CACNA1C: variants seen among roughly 807,000 people sequenced by gnomAD.
CACNA1C encodes the protein calcium voltage-gated channel subunit alpha1 C, also known as voltage-dependent L-type calcium channel subunit alpha-1C.
Under a neutral mutation model 229.0 loss-of-function variants are expected in CACNA1C, and 30 were observed. The ratio of observed to expected loss-of-function variants is 0.13; its 90% CI spans 0.10 to 0.18. CACNA1C has a LOEUF of 0.18. Ranked by LOEUF, CACNA1C falls within the 10% of genes least tolerant of loss-of-function variation. The pLI, the probability that CACNA1C is intolerant of heterozygous loss-of-function variation, is 1.00. For synonymous variants in CACNA1C, 1,114 were observed against 1,132.5 expected, an observed-to-expected ratio of 0.98 and a Z score of 0.33; for missense variants, 1,658 against 2,845.0, an observed-to-expected ratio of 0.58 and a Z score of 9.49.
intron 9 of CACNA1C, among the ~76,000 whole-genome samples, chr12:2,529,240 C>T (rs1014318995): frequency 1.3e-5 from 2 of 152,216 alleles, no homozygotes; most frequent in Non-Finnish European, 2.9e-5. Flanking sequence ...CCTTTTCTAT[C>T]CTCACCACCT....
chr12:2,678,204 C>T lies in CACNA1C; in HGVS notation c.5091+337C>T, dbSNP rs1164164831. On this transcript the variant is annotated intron_variant, in intron 41 of 46. Transcript: ENST00000399655. The surrounding 1 kb of genome is among the most constrained non-coding windows in gnomAD (Gnocchi z 4.1). ...CCCTGGGGCACATCTAATCTGCAGG[C>T]TTGTTTTGTTTGTTAATATTTGAAA... Among the ~76,000 whole-genome samples the T allele has an allele frequency of 6.6e-6, 1 of 152,168 alleles. No homozygotes were observed. Among genetic ancestry groups the T allele is most frequent in the Admixed American group, 6.5e-5 (1 of 15,282 alleles).
intron 1 of CACNA1C, among the ~76,000 whole-genome samples, chr12:2,091,630 T>A (rs2071099330): frequency 6.6e-6 from 1 of 152,194 alleles, no homozygotes; most frequent in Non-Finnish European, 1.5e-5. Flanking sequence ...CATCTCAACA[T>A]CCTTAACTTA....
chr12:2,666,645 G>A lies in CACNA1C; in HGVS notation c.4527-41G>A. On this transcript the variant is annotated intron_variant, in intron 36 of 46. Coordinates refer to ENST00000399655, the MANE Select transcript of CACNA1C (RefSeq NM_000719.7). This position sits in a 1 kb window ranked among gnomAD's most constrained non-coding sequence, Gnocchi z 5.3. Reference sequence around the variant, plus strand: ...GTCCTGGGCTGCTGGCAGAGACCGTGGCTCTCTGATGCCCTGTCCCTCCTC... The same window carrying A: ...GTCCTGGGCTGCTGGCAGAGACCGTAGCTCTCTGATGCCCTGTCCCTCCTC... 7.6e-7 allele frequency: 1 copy of A among 1,318,988 alleles called. No individual in the cohort carries two copies. Among genetic ancestry groups the A allele is most frequent in the Non-Finnish European group, 1.1e-6 (1 of 932,622 alleles). 81.7% of individuals were successfully genotyped at this position (1,318,988 alleles called of 1,614,324 possible). A position where few individuals can be genotyped will look rare whatever the true frequency, so the allele number is the denominator to read the frequency against.
At chr12:2,055,054 A>C (rs576465957) in intron 1 of CACNA1C, among the ~76,000 whole-genome samples, 2 of 152,248 alleles carry the variant, frequency 1.3e-5, no homozygotes, top group Admixed American at 6.5e-5. Context: ...CATGGGTGGC[A>C]GCTTGGGGAT....
At chr12:2,269,082 G>T (rs1170120124) in intron 3 of CACNA1C, among the ~76,000 whole-genome samples, 1 of 152,144 alleles carries the variant, frequency 6.6e-6, no homozygotes, top group African/African-American at 2.4e-5. Context: ...AGGGAGTAGC[G>T]GGCACATGAT....
intron 3 of CACNA1C, among the ~76,000 whole-genome samples, chr12:2,147,025 A>G (rs1312340438): frequency 6.6e-6 from 1 of 150,842 alleles, no homozygotes; most frequent in Non-Finnish European, 1.5e-5. Flanking sequence ...AACCCCCCCA[A>G]TTATCAAAGC....
intron 30 of CACNA1C, among the ~76,000 whole-genome samples, chr12:2,638,663 G>A (rs1042513426): frequency 2.6e-5 from 4 of 152,142 alleles, no homozygotes; most frequent in Non-Finnish European, 4.4e-5. Flanking sequence ...GTGGAAAATG[G>A]CCAGCCCGTC....
intron 10 of CACNA1C, 29 bp downstream of exon 10, chr12:2,550,062 G>T: frequency 6.7e-7 from 1 of 1,486,228 alleles, no homozygotes; most frequent in Non-Finnish European, 9.3e-7. Flanking sequence ...CCCAGGGGCT[G>T]GGGCTTTTTC....
Position 2,665,006 on chromosome 12 carries a change from A to G in CACNA1C, c.4398+16A>G, listed in dbSNP as rs968262156. The G allele has an allele frequency of 1.2e-6, 2 of 1,613,610 alleles. No individual in the cohort carries two copies. The highest frequency in any genetic ancestry group is 1.7e-6 in the Non-Finnish European group (2 of 1,179,798). On this transcript the variant is annotated intron_variant, in intron 35 of 46. Coordinates refer to ENST00000399655, the MANE Select transcript of CACNA1C (RefSeq NM_000719.7). This position sits in a 1 kb window ranked among gnomAD's most constrained non-coding sequence, Gnocchi z 5.9. The stretch of plus-strand genomic sequence containing the variant: ...TGCCTTCCTGGTAAGCCAAGGGGGA[A>G]CTCAACAGCCAGCAGCCATGACTGC...
rs375998750 is a variant in CACNA1C at position 2,370,656 on chromosome 12, A to G, written c.478-78320A>G. Among the ~76,000 whole-genome samples the G allele has an allele frequency of 5.9e-4, 90 of 152,370 alleles. No individual in the cohort carries two copies. In the East Asian group the frequency reaches 9.4e-3, roughly 16 times the overall value. ...TTTGTACAGTATAAAAATAAATTCAATAGTATCTTAATAAAAATTCTGGGC... is the reference window on the plus strand; with the variant it reads ...TTTGTACAGTATAAAAATAAATTCAGTAGTATCTTAATAAAAATTCTGGGC... On this transcript the variant is annotated intron_variant, in intron 3 of 46. Coordinates refer to ENST00000399655, the MANE Select transcript of CACNA1C (RefSeq NM_000719.7).
intron 3 of CACNA1C, among the ~76,000 whole-genome samples, chr12:2,271,018 G>C (rs1455228245): frequency 6.6e-6 from 1 of 152,146 alleles, no homozygotes; most frequent in African/African-American, 2.4e-5. Context: ...GGATCTGTTT[G>C]GGGTAATGGC....
rs183023108 is a variant in CACNA1C, at chr12:2,503,409, A to T, written c.1114-1433A>T. ...ACTTAACCCTGTTTAGTCAGAAGGC[A>T]TCAGAAGAGATAGCTTTGAGAAACT... On this transcript the variant is annotated intron_variant, in intron 7 of 46. Coordinates refer to ENST00000399655, the MANE Select transcript of CACNA1C (RefSeq NM_000719.7). Among the ~76,000 whole-genome samples, 359 of 152,368 alleles carry T rather than the reference A, an allele frequency of 2.4e-3. 5 individuals carry two copies. Among genetic ancestry groups the T allele is most frequent in the African/African-American group, 8.4e-3 (349 of 41,586 alleles).
At chr12:2,111,455 C>G (rs1353232929) in intron 1 of CACNA1C, among the ~76,000 whole-genome samples, 1 of 151,798 alleles carries the variant, frequency 6.6e-6, no homozygotes, top group East Asian at 1.9e-4. Context: ...GTGTTGTCCC[C>G]AAACTCCTGG....
upstream of CACNA1C, among the ~76,000 whole-genome samples, chr12:2,050,784 GC>G (rs2052012509): frequency 6.6e-6 from 1 of 152,166 alleles, no homozygotes; most frequent in African/African-American, 2.4e-5. Flanking sequence ...TTACACTGGG[GC>G]CAGAACCACT....
chr12:2,536,567 G>A (rs1337945998), intron 9 of CACNA1C, among the ~76,000 whole-genome samples: 2 of 152,200 alleles, frequency 1.3e-5, no homozygotes, highest in African/African-American at 4.8e-5. Context: ...AGTAGCTCAT[G>A]CCTGTAATCC....
At chr12:2,191,899 CAT>C (rs1566271841) in intron 3 of CACNA1C, among the ~76,000 whole-genome samples, 1 of 151,774 alleles carries the variant, frequency 6.6e-6, no homozygotes, top group African/African-American at 2.4e-5. Context: ...CAGGCACACA[CAT>C]GCACACATGG....
intron 3 of CACNA1C, among the ~76,000 whole-genome samples, chr12:2,392,552 C>T (rs1350155172): frequency 6.6e-6 from 1 of 152,200 alleles, no homozygotes; most frequent in Admixed American, 6.5e-5. Flanking sequence ...TGTCTGGGCC[C>T]AAGCTCAAAG....
rs535388483 is a variant in CACNA1C at position 2,680,570 on chromosome 12, T to A, written c.5444+774T>A. 14 of 1,563,004 alleles carry A rather than the reference T, an allele frequency of 9.0e-6. No homozygotes were observed. In the East Asian group the frequency reaches 1.7e-4, roughly 19 times the overall value. ...CAGCAGGCTGCACAGCCCCCCAGCA[T>A]GCCAGGTTCTTGACATGCTCGCCCT... On this transcript the variant is annotated intron_variant, in intron 42 of 46. Coordinates refer to ENST00000399655, the MANE Select transcript of CACNA1C (RefSeq NM_000719.7).
intron 10 of CACNA1C, among the ~76,000 whole-genome samples, chr12:2,553,813 A>G (rs964903565): frequency 6.6e-6 from 1 of 152,176 alleles, no homozygotes; most frequent in Non-Finnish European, 1.5e-5. Flanking sequence ...AAAGAGCAGG[A>G]GGGATCATAG....
Sources: gnomAD v4.1 joint callset for allele counts (sites outside exome capture counted in the v4.1 genomes callset) on GRCh38, gnomAD v4.1.1 for gene constraint, Gnocchi (gnomAD v3.1) non-coding constraint, MANE v1.5 for transcripts, NCBI Gene and HGNC (gene_info 2026-07-23, HGNC 2026-07-21) for gene names.